The following BDH1 variants were observed in gnomAD, a reference collection of about 807,000 sequenced individuals.
The protein encoded by BDH1 is 3-hydroxybutyrate dehydrogenase 1.
In BDH1, 30 loss-of-function variants were observed where a neutral mutation model predicts 33.1. The ratio of observed to expected loss-of-function variants is 0.91; its 90% CI spans 0.68 to 1.23. The LOEUF is 1.23. Ranked by LOEUF, BDH1 falls within the 50% of genes most tolerant of loss-of-function variation. The probability of loss-of-function intolerance (pLI) is 0.00; values close to 1 mark genes in which losing one functional copy is unlikely to be tolerated. For missense variants in BDH1, 443 were observed against 464.4 expected, an observed-to-expected ratio of 0.95 and a Z score of 0.42; for synonymous variants, 190 against 183.6, an observed-to-expected ratio of 1.03 and a Z score of -0.28.
intron 6 of BDH1, among the ~76,000 whole-genome samples, chr3:197,519,957 C>A (rs559585124): frequency 1.3e-5 from 2 of 152,116 alleles, no homozygotes; most frequent in Non-Finnish European, 2.9e-5. Flanking sequence ...GGCTGCAGGG[C>A]GTCAAACTCG....
chr3:197,512,839 T>C (rs1325259567), intron 7 of BDH1, among the ~76,000 whole-genome samples: 1 of 152,096 alleles, frequency 6.6e-6, no homozygotes, highest in Non-Finnish European at 1.5e-5. Flanking sequence ...TGCAGATAAG[T>C]AGCACACTAG....
rs779847505 is a variant in BDH1 at position 197,533,581 on chromosome 3, C to G, written c.84-20G>C. Reference sequence around the variant, plus strand: ...GGGCGTCTGCAAGAGAAAAGGAAGCCGTGAGTACAAGGACAGACTAGACAG... The same window carrying G: ...GGGCGTCTGCAAGAGAAAAGGAAGCGGTGAGTACAAGGACAGACTAGACAG... On this transcript the variant is annotated intron_variant, in intron 3 of 7. Transcript: ENST00000392379. The G allele has an allele frequency of 1.1e-5, 18 of 1,612,988 alleles. No individual in the cohort carries two copies. The highest frequency in any genetic ancestry group is 1.7e-5 in the Admixed American group (1 of 60,000).
Position 197,521,515 on chromosome 3 carries a change from A to T in BDH1, c.409+1125T>A, listed in dbSNP as rs1472152633. ...GACAGCTGCCTCTCCCCCTCCTCTG[A>T]TCCCCGAACACTCACATTCCCAGGG... On this transcript the variant is annotated intron_variant, in intron 6 of 7. Transcript: ENST00000392379. The surrounding 1 kb of genome is among the most constrained non-coding windows in gnomAD (Gnocchi z 4.9). Among the ~76,000 whole-genome samples the T allele has an allele frequency of 6.6e-6, 1 of 151,836 alleles. No individual in the cohort carries two copies. Among genetic ancestry groups the T allele is most frequent in the Non-Finnish European group, 1.5e-5 (1 of 67,958 alleles).
At chr3:197,556,232 G>A (rs1351931545), upstream of BDH1, among the ~76,000 whole-genome samples, 2 of 152,256 alleles carry the variant, frequency 1.3e-5, no homozygotes, top group Non-Finnish European at 1.5e-5. Flanking sequence ...AGCCTCGCGG[G>A]CTGAGGCCGG....
At position 197,520,877 on chromosome 3, in the gene BDH1, C is replaced by T. The variant is rs1713469818; in HGVS notation, c.409+1763G>A. Among the ~76,000 whole-genome samples the T allele has an allele frequency of 6.6e-6, 1 of 152,120 alleles. No homozygotes were observed. Among genetic ancestry groups the T allele is most frequent in the Non-Finnish European group, 1.5e-5 (1 of 68,034 alleles). On this transcript the variant is annotated intron_variant, in intron 6 of 7. Coordinates refer to ENST00000392379, the MANE Select transcript of BDH1 (RefSeq NM_203314.3). The surrounding 1 kb of genome is among the most constrained non-coding windows in gnomAD (Gnocchi z 6.0). ...GCCTGTTAATTATTAAACAGATGTT[C>T]AGCGAGAACAGAGAACAGAGAGGCC...
chr3:197,515,774 G>A, intron 6 of BDH1: 3 of 964,986 alleles, frequency 3.1e-6, no homozygotes, highest in Non-Finnish European at 3.7e-6. Context: ...TGTGGTGGCG[G>A]GCACCTGTAG....
At chr3:197,548,597 T>C (rs1264977913) in intron 2 of BDH1, among the ~76,000 whole-genome samples, 1 of 152,064 alleles carries the variant, frequency 6.6e-6, no homozygotes, top group Non-Finnish European at 1.5e-5. Flanking sequence ...ACGCCTGTAA[T>C]CCCAGCACTT....
At chr3:197,543,765 G>A (rs1203648837) in intron 3 of BDH1, among the ~76,000 whole-genome samples, 2 of 152,130 alleles carry the variant, frequency 1.3e-5, no homozygotes, top group African/African-American at 2.4e-5. Context: ...GATGATAGTG[G>A]GGAAACCATG....
At position 197,511,922 on chromosome 3, in the gene BDH1, G is replaced by A; in HGVS notation, c.1005C>T (p.Ala335=). The change falls in exon 8 of 8, where the codon GCC becomes GCT. Residue 335 remains alanine (A), a synonymous_variant. Coordinates refer to ENST00000392379, the MANE Select transcript of BDH1 (RefSeq NM_203314.3). The part of the protein sequence containing the change: ...RMQIMTHLPG[A]ISDMIYIR Reference sequence around the variant, plus strand: ...AGCGGATGTAGATCATGTCGGAGATGGCTCCAGGCAAGTGGGTCATGATCT... The same window carrying A: ...AGCGGATGTAGATCATGTCGGAGATAGCTCCAGGCAAGTGGGTCATGATCT... 1 of 1,569,488 alleles carries A rather than the reference G, an allele frequency of 6.4e-7. No individual in the cohort carries two copies. The highest frequency in any genetic ancestry group is 8.7e-7 in the Non-Finnish European group (1 of 1,154,624).
At chr3:197,569,186 GTTCT>G (rs1375752594) in intron 1 of BDH1, among the ~76,000 whole-genome samples, 1 of 152,126 alleles carries the variant, frequency 6.6e-6, no homozygotes, top group Non-Finnish European at 1.5e-5. Flanking sequence ...TTGTTCTGAG[GTTCT>G]TTCTTTGAAG....
intron 3 of BDH1, among the ~76,000 whole-genome samples, chr3:197,544,739 T>G (rs1715935037): frequency 6.6e-6 from 1 of 152,156 alleles, no homozygotes; most frequent in Non-Finnish European, 1.5e-5. Context: ...CCTCTGTATC[T>G]CTCAGAAATA....
In BDH1 at chr3:197,528,139, T is replaced by A. The variant is rs991185767; in HGVS notation, c.267+4273A>T. On this transcript the variant is annotated intron_variant, in intron 5 of 7. Transcript: ENST00000392379. This position sits in a 1 kb window ranked among gnomAD's most constrained non-coding sequence, Gnocchi z 5.1. Reference sequence around the variant, plus strand: ...GCTTATCTTAGGTGCTCAGTAAATATCTGCTGAATAAATAAACAAGTAAAT... The same window carrying A: ...GCTTATCTTAGGTGCTCAGTAAATAACTGCTGAATAAATAAACAAGTAAAT... 6.6e-6 allele frequency among the ~76,000 whole-genome samples: 1 copy of A among 152,182 alleles called. No homozygotes were observed. Among genetic ancestry groups the A allele is most frequent in the African/African-American group, 2.4e-5 (1 of 41,440 alleles).
intron 1 of BDH1, among the ~76,000 whole-genome samples, chr3:197,562,647 T>C (rs1032260084): frequency 4.0e-5 from 6 of 151,852 alleles, no homozygotes; most frequent in African/African-American, 1.2e-4. Flanking sequence ...CTGAGATGCA[T>C]AAGAGGCTGG....
chr3:197,571,294 T>C (rs779589609), intron 1 of BDH1, among the ~76,000 whole-genome samples: 1 of 152,170 alleles, frequency 6.6e-6, no homozygotes, highest in African/African-American at 2.4e-5. Flanking sequence ...CTGTGGACTT[T>C]TGAGTTAATG....
rs533270662 is a variant in BDH1 at position 197,519,978 on chromosome 3, G to A, written c.409+2662C>T. On this transcript the variant is annotated intron_variant, in intron 6 of 7. Transcript: ENST00000392379. ...AGGGCGTCAAACTCGCCAACCAAAT[G>A]TGCCCCCCCGGTGGAGAAGGGGAAG... Among the ~76,000 whole-genome samples the A allele has an allele frequency of 2.6e-5, 4 of 152,266 alleles. No individual in the cohort carries two copies. In the South Asian group the frequency reaches 6.2e-4, roughly 24 times the overall value.
chr3:197,559,146 C>T (rs1436683495), upstream of BDH1, among the ~76,000 whole-genome samples: 1 of 151,846 alleles, frequency 6.6e-6, no homozygotes, highest in Non-Finnish European at 1.5e-5. Flanking sequence ...GGGACAGGTG[C>T]CCGCCACCAC....
At chr3:197,533,670 G>T in intron 3 of BDH1, 109 bp from the exon 4 acceptor site, 1 of 1,062,330 alleles carries the variant, frequency 9.4e-7, no homozygotes, top group Non-Finnish European at 1.4e-6. Context: ...CCTGGAGACA[G>T]CTTGCTGGTA....
intron 1 of BDH1, among the ~76,000 whole-genome samples, chr3:197,566,415 A>G (rs1421276734): frequency 6.6e-6 from 1 of 152,190 alleles, no homozygotes; most frequent in African/African-American, 2.4e-5. Flanking sequence ...AGGAGCCCCA[A>G]GTTTATCTTG....
At chr3:197,538,343 TTTTTG>T (rs775340791) in intron 3 of BDH1, 1 of 455,784 alleles carries the variant, frequency 2.2e-6, no homozygotes, top group South Asian at 1.5e-5. Flanking sequence ...CAAATTTTGT[TTTTTG>T]TTTTGTTTTG....
Sources: allele counts gnomAD v4.1 joint callset (sites outside exome capture counted in the v4.1 genomes callset), GRCh38; gene constraint gnomAD v4.1.1; non-coding constraint Gnocchi (gnomAD v3.1); transcripts MANE v1.5; gene names NCBI Gene and HGNC (gene_info 2026-07-23, HGNC 2026-07-21).